Variants in TTLL5 observed in about 807,000 individuals in gnomAD.
The protein encoded by TTLL5 is tubulin tyrosine ligase like 5.
In TTLL5, 132 loss-of-function variants were observed where a neutral mutation model predicts 168.4. The observed-to-expected ratio is 0.78, with a 90% CI of 0.68 to 0.91. The LOEUF is 0.91. Among genes scored for constraint, TTLL5 ranks in the 40% least tolerant of loss-of-function variants. The pLI, the probability that TTLL5 is intolerant of heterozygous loss-of-function variation, is 0.00. For synonymous variants in TTLL5, 546 were observed against 558.6 expected, an observed-to-expected ratio of 0.98 and a Z score of 0.32; for missense variants, 1,545 against 1,581.5, an observed-to-expected ratio of 0.98 and a Z score of 0.39.
At chr14:75,684,002 GAC>G in intron 5 of TTLL5, 1 of 226,746 alleles carries the variant, frequency 4.4e-6, no homozygotes, top group Non-Finnish European at 8.9e-6. Flanking sequence ...TCAAACTCCT[GAC>G]CTCAATTGAT....
intron 31 of TTLL5, among the ~76,000 whole-genome samples, chr14:75,928,366 T>TATATATATATATATCA (rs1202108865): frequency 7.0e-6 from 1 of 142,318 alleles, no homozygotes; most frequent in Non-Finnish European, 1.5e-5. Context: ...TATATATATA[T>TATATATATATATATCA]ATCACTGTAT....
At chr14:75,753,077 C>G in intron 18 of TTLL5, 122 bp downstream of exon 18, 1 of 892,712 alleles carries the variant, frequency 1.1e-6, no homozygotes, top group Non-Finnish European at 1.7e-6. Flanking sequence ...AAAAAAAAGT[C>G]CTGTAGAAAG....
intron 3 of TTLL5, among the ~76,000 whole-genome samples, chr14:75,680,582 A>C (rs1055753936): frequency 1.3e-5 from 2 of 150,132 alleles, no homozygotes; most frequent in Admixed American, 6.6e-5. Flanking sequence ...GGTAATCAGC[A>C]TTATAGGATA....
chr14:75,785,163 CAG>C (rs1394262675), intron 26 of TTLL5, among the ~76,000 whole-genome samples: 1 of 147,408 alleles, frequency 6.8e-6, no homozygotes, highest in Non-Finnish European at 1.5e-5. Context: ...TCAAGTGTCA[CAG>C]AGATTTCCTC....
chr14:75,704,191 C>T (rs1366041777), intron 7 of TTLL5, among the ~76,000 whole-genome samples: 2 of 152,162 alleles, frequency 1.3e-5, no homozygotes, highest in Admixed American at 1.3e-4. Flanking sequence ...TATCATTCTC[C>T]TTTACAATGA....
intron 30 of TTLL5, among the ~76,000 whole-genome samples, chr14:75,898,119 A>G (rs566015794): frequency 2.1e-4 from 32 of 152,302 alleles, no homozygotes; most frequent in African/African-American, 7.5e-4. Context: ...CTGGTGTACT[A>G]TGACCAGAGA....
intron 28 of TTLL5, among the ~76,000 whole-genome samples, chr14:75,835,012 G>C: frequency 6.6e-6 from 1 of 152,154 alleles, no homozygotes. Context: ...AGGCTGCAGT[G>C]AATCATGATT....
chr14:75,820,299 G>T, intron 28 of TTLL5, 138 bp downstream of exon 28: 2 of 875,934 alleles, frequency 2.3e-6, no homozygotes, highest in Non-Finnish European at 3.1e-6. Flanking sequence ...CGATCCTCTG[G>T]CACCTGACTA....
At chr14:75,799,712 C>A (rs958629150) in intron 27 of TTLL5, among the ~76,000 whole-genome samples, 9 of 152,108 alleles carry the variant, frequency 5.9e-5, no homozygotes, top group African/African-American at 1.9e-4. Flanking sequence ...GACTATCTTT[C>A]CTTCATTTAT....
At chr14:75,949,362 A>T (rs1044327445) in intron 31 of TTLL5, among the ~76,000 whole-genome samples, 1 of 148,384 alleles carries the variant, frequency 6.7e-6, no homozygotes, top group African/African-American at 2.5e-5. Flanking sequence ...ATATATATGT[A>T]TTCTTTATAT....
chr14:75,819,908 C>T lies in TTLL5; in HGVS notation c.3172-99C>T, dbSNP rs1894732279. 7 of 1,329,644 alleles carry T rather than the reference C, an allele frequency of 5.3e-6. No individual in the cohort carries two copies. In the South Asian group the frequency reaches 8.7e-5, roughly 17 times the overall value. The allele number at this position is 1,329,644 out of a possible 1,614,324, so 82.4% of individuals were successfully genotyped here. A position where few individuals can be genotyped will look rare whatever the true frequency, so the allele number is the denominator to read the frequency against. On this transcript the variant is annotated intron_variant, in intron 27 of 31. Coordinates refer to ENST00000298832, the MANE Select transcript of TTLL5 (RefSeq NM_015072.5). The stretch of plus-strand genomic sequence containing the variant: ...AGCCACAGCTTCAGCTCAGAGGGGT[C>T]AGCATCTGTTGGCCTTGACTTGATT...
At chr14:75,692,982 A>G (rs993513344) in intron 6 of TTLL5, among the ~76,000 whole-genome samples, 2 of 152,158 alleles carry the variant, frequency 1.3e-5, no homozygotes, top group Non-Finnish European at 2.9e-5. Context: ...AAAAAGCAGC[A>G]GCACCGCAGA....
chr14:75,727,539 T>C (rs1566829451), intron 12 of TTLL5, among the ~76,000 whole-genome samples: 1 of 151,930 alleles, frequency 6.6e-6, no homozygotes, highest in Admixed American at 6.6e-5. Context: ...AGGGTGGGAG[T>C]GCGACTGGAG....
chr14:75,942,351 C>T (rs548752723), intron 31 of TTLL5, among the ~76,000 whole-genome samples: 5 of 152,094 alleles, frequency 3.3e-5, no homozygotes, highest in African/African-American at 1.2e-4. Context: ...AGGGTAACAG[C>T]GCTATTGATC....
In TTLL5 at chr14:75,776,759, A is replaced by T; in HGVS notation, c.2296A>T (p.Met766Leu). The change falls in exon 23 of 32, where the codon ATG (methionine) becomes TTG (leucine). Residue 766 changes from methionine to leucine, a missense_variant. Transcript: ENST00000298832. ...IIVYNKETEQ[M>L]AEKKSKKKVE... ...GGGCACTGGGTAGGAAACAGAACAA[A>T]TGGCTGAAAAGAAATCAAAGAAGAA... 9.3e-6 allele frequency: 15 copies of T among 1,613,818 alleles called. No homozygotes were observed. Among genetic ancestry groups the T allele is most frequent in the Non-Finnish European group, 1.3e-5 (15 of 1,179,816 alleles).
Position 75,775,674 on chromosome 14 carries a change from C to T in TTLL5, c.2283+44C>T, listed in dbSNP as rs766435307. 3 of 1,605,784 alleles carry T rather than the reference C, an allele frequency of 1.9e-6. No homozygotes were observed. In the South Asian group the frequency reaches 3.3e-5, roughly 18 times the overall value. ...GTCTTGTGCTTTGGATTGCCATACA[C>T]TGTCAGAAACAGACTAGATAGAAGC... On this transcript the variant is annotated intron_variant, in intron 22 of 31. Transcript: ENST00000298832.
chr14:75,845,099 G>C (rs890365999), intron 28 of TTLL5, among the ~76,000 whole-genome samples: 3 of 152,156 alleles, frequency 2.0e-5, no homozygotes, highest in Non-Finnish European at 4.4e-5. Context: ...TACATGGAAG[G>C]CTTCCTTGAT....
intron 30 of TTLL5, among the ~76,000 whole-genome samples, chr14:75,884,812 G>A (rs1449596024): frequency 6.6e-6 from 1 of 151,906 alleles, no homozygotes; most frequent in African/African-American, 2.4e-5. Flanking sequence ...AAAAAGAATA[G>A]CATGGCTTTT....
intron 29 of TTLL5, among the ~76,000 whole-genome samples, chr14:75,875,344 C>T (rs1183075256): frequency 1.3e-5 from 2 of 149,512 alleles, no homozygotes; most frequent in Non-Finnish European, 3.0e-5. Flanking sequence ...GAGTTCGACA[C>T]CATCCTGGCC....
Sources: allele counts gnomAD v4.1 joint callset (sites outside exome capture counted in the v4.1 genomes callset), GRCh38; gene constraint gnomAD v4.1.1; transcripts MANE v1.5; gene names NCBI Gene and HGNC (gene_info 2026-07-23, HGNC 2026-07-21).